Variants in SUGCT observed in about 807,000 individuals in gnomAD.
The protein encoded by SUGCT is succinyl-CoA:glutarate-CoA transferase.
In SUGCT, 41 loss-of-function variants were observed where a neutral mutation model predicts 55.0. The observed-to-expected ratio is 0.74, with a 90% CI of 0.58 to 0.97. SUGCT has a LOEUF of 0.97. SUGCT is among the 50% of genes least tolerant of loss of function. The pLI is 0.00. For synonymous variants in SUGCT, 187 were observed against 200.4 expected (o/e 0.93, Z 0.56); for missense variants, 568 against 547.8 (o/e 1.04, Z -0.37).
At chr7:40,328,884 G>A (rs1796156274) in intron 9 of SUGCT, among the ~76,000 whole-genome samples, 1 of 152,124 alleles carries the variant, frequency 6.6e-6, no homozygotes, top group African/African-American at 2.4e-5. Context: ...TCTACCCAAG[G>A]TGGAGGCCTA....
chr7:40,386,806 T>G (rs1259904641), intron 9 of SUGCT, among the ~76,000 whole-genome samples: 3 of 152,190 alleles, frequency 2.0e-5, no homozygotes, highest in Non-Finnish European at 4.4e-5. Flanking sequence ...TTATTTCCCA[T>G]GCAGATCCAA....
At position 40,400,949 on chromosome 7, in the gene SUGCT, G is replaced by A. The variant is rs73688068; in HGVS notation, c.817-48338G>A. Reference sequence around the variant, plus strand: ...AAGGCCAGATGGAACTTTCCAATCCGTATAATCATCAGGAAGGCATCCCAG... The same window carrying A: ...AAGGCCAGATGGAACTTTCCAATCCATATAATCATCAGGAAGGCATCCCAG... On this transcript the variant is annotated intron_variant, in intron 9 of 13. Coordinates refer to ENST00000335693, the MANE Select transcript of SUGCT (RefSeq NM_001193313.2). 1.0e-3 allele frequency among the ~76,000 whole-genome samples: 157 copies of A among 152,232 alleles called. 2 individuals are homozygous for A. The highest frequency in any genetic ancestry group is 3.6e-3 in the African/African-American group (148 of 41,558).
intron 12 of SUGCT, among the ~76,000 whole-genome samples, chr7:40,624,893 A>G (rs1251135611): frequency 6.6e-6 from 1 of 152,124 alleles, no homozygotes; most frequent in Non-Finnish European, 1.5e-5. Flanking sequence ...TTTCATTTGA[A>G]GAGTTTCTCT....
At chr7:41,034,224 C>T in the SUGCT span, among the ~76,000 whole-genome samples, 1 of 152,178 alleles carries the variant, frequency 6.6e-6, no homozygotes, top group Non-Finnish European at 1.5e-5. Context: ...CATTTGAATT[C>T]AGCAGTGCGT....
chr7:40,591,780 G>C (rs1215416201), intron 12 of SUGCT, among the ~76,000 whole-genome samples: 1 of 152,174 alleles, frequency 6.6e-6, no homozygotes, highest in East Asian at 1.9e-4. Flanking sequence ...TGATGGAACA[G>C]ATGATTGTTA....
chr7:40,343,219 T>C (rs1036619370), intron 9 of SUGCT, among the ~76,000 whole-genome samples: 2 of 152,198 alleles, frequency 1.3e-5, no homozygotes, highest in African/African-American at 4.8e-5. Flanking sequence ...GGGGTTATTA[T>C]TGTTATAGTT....
intron 1 of SUGCT, among the ~76,000 whole-genome samples, chr7:40,150,800 A>G (rs1175931293): frequency 6.6e-6 from 1 of 152,184 alleles, no homozygotes; most frequent in East Asian, 1.9e-4. Flanking sequence ...CTGGATTGCA[A>G]TTTCCCTGTC....
intron 3 of SUGCT, among the ~76,000 whole-genome samples, chr7:40,183,675 A>G (rs1785342570): frequency 6.6e-6 from 1 of 152,150 alleles, no homozygotes; most frequent in African/African-American, 2.4e-5. Context: ...CCATTTTATA[A>G]TTTTAAAGGT....
chr7:40,688,073 A>G (rs1784541843), intron 12 of SUGCT, among the ~76,000 whole-genome samples: 1 of 152,186 alleles, frequency 6.6e-6, no homozygotes, highest in Non-Finnish European at 1.5e-5. Context: ...CTTAATTTGG[A>G]AACTCTTATA....
At chr7:40,843,152 G>C (rs1420194339) in intron 13 of SUGCT, among the ~76,000 whole-genome samples, 2 of 152,148 alleles carry the variant, frequency 1.3e-5, no homozygotes, top group Non-Finnish European at 2.9e-5. Context: ...AAGGACTCTG[G>C]AAGAAAGGAG....
In SUGCT at chr7:40,195,054, A is replaced by G; in HGVS notation, c.478A>G (p.Ile160Val). ...TGCTCCTCACATCATCTATTGTTCC[A>G]TCACAGGTATTTCAACCCCACACCC... ...EIAPHIIYCS[I>V]TGYGQTGPIS... Residue 160 changes from isoleucine to valine, a missense_variant, in exon 6 of 14, where the codon ATC (isoleucine) becomes GTC (valine). Ile to Val is a conservative substitution (Grantham distance 29). Coordinates refer to ENST00000335693, the MANE Select transcript of SUGCT (RefSeq NM_001193313.2). The G allele has an allele frequency of 6.2e-7, 1 of 1,612,632 alleles. No individual in the cohort carries two copies. The highest frequency in any genetic ancestry group is 1.1e-5 in the South Asian group (1 of 90,840).
At chr7:40,497,876 A>G in intron 12 of SUGCT, among the ~76,000 whole-genome samples, 1 of 151,882 alleles carries the variant, frequency 6.6e-6, no homozygotes, top group South Asian at 2.1e-4. Flanking sequence ...TTAAAAATAT[A>G]TTAAGTATAT....
chr7:40,623,635 C>T (rs181186721), intron 12 of SUGCT, among the ~76,000 whole-genome samples: 214 of 152,178 alleles, frequency 1.4e-3, no homozygotes, highest in African/African-American at 4.8e-3. Context: ...TTTTGGACTT[C>T]GTTAGAAGAT....
chr7:40,942,953 A>G, the SUGCT span, among the ~76,000 whole-genome samples: 1 of 151,976 alleles, frequency 6.6e-6, no homozygotes, highest in African/African-American at 2.4e-5. Context: ...AAAATTTTCC[A>G]TTCATATCCT....
At chr7:40,286,616 T>G (rs1197983636) in intron 8 of SUGCT, among the ~76,000 whole-genome samples, 2 of 152,192 alleles carry the variant, frequency 1.3e-5, no homozygotes, top group Non-Finnish European at 2.9e-5. Context: ...GTAGAACATG[T>G]GAAACTTTCT....
chr7:40,960,635 A>T, the SUGCT span, among the ~76,000 whole-genome samples: 122 of 152,364 alleles, frequency 8.0e-4, 2 homozygotes, highest in South Asian at 7.9e-3. Flanking sequence ...AAGAAACATT[A>T]TAAGTATATA....
At chr7:40,816,358 G>A (rs1259303145) in intron 13 of SUGCT, among the ~76,000 whole-genome samples, 1 of 152,196 alleles carries the variant, frequency 6.6e-6, no homozygotes, top group Non-Finnish European at 1.5e-5. Context: ...TTTTTGTGGT[G>A]TCTTTCTCTT....
At chr7:41,024,661 C>A in the SUGCT span, among the ~76,000 whole-genome samples, 593 of 120,884 alleles carry the variant, frequency 4.9e-3, no homozygotes, top group Middle Eastern at 9.5e-3. Flanking sequence ...AACAATTTGG[C>A]AAAAAAAAAA....
intron 11 of SUGCT, among the ~76,000 whole-genome samples, chr7:40,462,008 G>A (rs143240602): frequency 5.3e-5 from 8 of 152,238 alleles, no homozygotes; most frequent in Non-Finnish European, 8.8e-5. Flanking sequence ...TTGTTTATGC[G>A]CTCAAGAAAT....
Sources: allele counts gnomAD v4.1 joint callset (sites outside exome capture counted in the v4.1 genomes callset), GRCh38; gene constraint gnomAD v4.1.1; transcripts MANE v1.5; gene names NCBI Gene and HGNC (gene_info 2026-07-23, HGNC 2026-07-21).